The following CCND1 variants were observed in gnomAD, a reference collection of about 807,000 sequenced individuals.
CCND1 encodes the protein cyclin D1, also known as G1/S-specific cyclin-D1.
Under a neutral mutation model 26.1 loss-of-function variants are expected in CCND1, and 9 were observed. That is an observed-to-expected ratio of 0.35 (90% CI 0.21 to 0.60). The LOEUF (loss-of-function observed/expected upper bound fraction) is 0.60. Ranked by LOEUF, CCND1 falls within the 20% of genes least tolerant of loss-of-function variation. CCND1 has a pLI of 0.79. For missense variants in CCND1, 335 were observed against 392.9 expected (o/e 0.85, Z 1.25); for synonymous variants, 194 against 166.1 (o/e 1.17, Z -1.29).
chr11:69,641,172 A>G lies in CCND1; in HGVS notation c.-142A>G, dbSNP rs1855692452. 1 of 794,440 alleles carries G rather than the reference A, an allele frequency of 1.3e-6. No individual in the cohort carries two copies. The highest frequency in any genetic ancestry group is 2.5e-5 in the East Asian group (1 of 39,598). 49.2% of individuals were successfully genotyped at this position (794,440 alleles called of 1,614,324 possible). Reference sequence around the variant, plus strand: ...GGAGCCTCCAGAGGGCTGTCGGCGCAGTAGCAGCGAGCAGCAGAGTCCGCA... The same window carrying G: ...GGAGCCTCCAGAGGGCTGTCGGCGCGGTAGCAGCGAGCAGCAGAGTCCGCA... On this transcript the variant is annotated 5_prime_UTR_variant, in exon 1 of 5. Transcript: ENST00000227507.
chr11:69,650,235 G>A (rs927214589), intron 4 of CCND1, among the ~76,000 whole-genome samples: 7 of 152,204 alleles, frequency 4.6e-5, no homozygotes, highest in South Asian at 2.1e-4. Context: ...CTGGCAGTTG[G>A]GACACACACA....
intron 4 of CCND1, among the ~76,000 whole-genome samples, chr11:69,650,644 A>G (rs3212890): frequency 2.5e-3 from 381 of 152,304 alleles, no homozygotes; most frequent in African/African-American, 8.8e-3. Context: ...TGCACGGCCC[A>G]AGGCTTCGAC....
At position 69,651,658 on chromosome 11, in the gene CCND1, G is replaced by T. The variant is rs1022946937; in HGVS notation, c.*376G>T. ...GAATAGGCATTAACACAAAGGAGGCGTCTCGGGAGAGGATTAGGTTCCATC... is the reference window on the plus strand; with the variant it reads ...GAATAGGCATTAACACAAAGGAGGCTTCTCGGGAGAGGATTAGGTTCCATC... On this transcript the variant is annotated 3_prime_UTR_variant, in exon 5 of 5. Coordinates refer to ENST00000227507, the MANE Select transcript of CCND1 (RefSeq NM_053056.3). 14 of 247,666 alleles carry T rather than the reference G, an allele frequency of 5.7e-5. No individual in the cohort carries two copies. Among genetic ancestry groups the T allele is most frequent in the African/African-American group, 2.6e-4 (12 of 45,798 alleles). 15.3% of individuals were successfully genotyped at this position (247,666 alleles called of 1,614,324 possible).
Position 69,653,781 on chromosome 11 carries a change from A to T in CCND1, c.*2499A>T. Reference sequence around the variant, plus strand: ...TGGAAGTTGCATAATTATTATTATTATTATTATAACAAGTGTGTCTTACGT... The same window carrying T: ...TGGAAGTTGCATAATTATTATTATTTTTATTATAACAAGTGTGTCTTACGT... On this transcript the variant is annotated 3_prime_UTR_variant, in exon 5 of 5. Transcript: ENST00000227507. 1 of 281,258 alleles carries T rather than the reference A, an allele frequency of 3.6e-6. No individual in the cohort carries two copies. The highest frequency in any genetic ancestry group is 6.7e-6 in the Non-Finnish European group (1 of 148,498). The allele number at this position is 281,258 out of a possible 1,614,324, so 17.4% of individuals were successfully genotyped here.
rs1434771092 is a variant in CCND1 at position 69,643,964 on chromosome 11, C to A, written c.547C>A (p.Gln183Lys). ...CAAACAGATCATCCGCAAACACGCGCAGACCTTCGTTGCCCTCTGTGCCAC... is the reference window on the plus strand; with the variant it reads ...CAAACAGATCATCCGCAAACACGCGAAGACCTTCGTTGCCCTCTGTGCCAC... ...ENKQIIRKHA[Q>K]TFVALCATDV... The change falls in exon 3 of 5, where the codon CAG becomes AAG. Residue 183 changes from glutamine (Q) to lysine (K), a missense_variant. Gln to Lys is a moderately conservative substitution (Grantham distance 53). Transcript: ENST00000227507. The A allele has an allele frequency of 1.2e-6, 2 of 1,613,462 alleles. No individual in the cohort carries two copies. The highest frequency in any genetic ancestry group is 1.7e-6 in the Non-Finnish European group (2 of 1,180,012).
At chr11:69,647,444 A>G (rs994468014) in intron 3 of CCND1, among the ~76,000 whole-genome samples, 11 of 151,510 alleles carry the variant, frequency 7.3e-5, no homozygotes, top group African/African-American at 2.7e-4. Context: ...CTCAAGGGAC[A>G]CGGAATGGCT....
In CCND1 at chr11:69,641,386, G is replaced by C. The variant is rs2120080356; in HGVS notation, c.73G>C (p.Asp25His). 1 of 1,613,424 alleles carries C rather than the reference G, an allele frequency of 6.2e-7. No individual in the cohort carries two copies. Among genetic ancestry groups the C allele is most frequent in the South Asian group, 1.1e-5 (1 of 91,070 alleles). Residue 25 changes from aspartate to histidine, a missense_variant, in exon 1 of 5, where the codon GAC becomes CAC. Coordinates refer to ENST00000227507, the MANE Select transcript of CCND1 (RefSeq NM_053056.3). ...RAYPDANLLNDRVLRAMLKAE... is the reference protein window; with the variant it reads ...RAYPDANLLNHRVLRAMLKAE... Reference sequence around the variant, plus strand: ...GTACCCCGATGCCAACCTCCTCAACGACCGGGTGCTGCGGGCCATGCTGAA... The same window carrying C: ...GTACCCCGATGCCAACCTCCTCAACCACCGGGTGCTGCGGGCCATGCTGAA...
At position 69,652,659 on chromosome 11, in the gene CCND1, T is replaced by A. The variant is rs1427418927; in HGVS notation, c.*1377T>A. 8.6e-6 allele frequency: 2 copies of A among 232,980 alleles called. No individual in the cohort carries two copies. Among genetic ancestry groups the A allele is most frequent in the African/African-American group, 4.4e-5 (2 of 45,256 alleles). The allele number at this position is 232,980 out of a possible 1,614,324, so 14.4% of individuals were successfully genotyped here. A position where few individuals can be genotyped will look rare whatever the true frequency, so the allele number is the denominator to read the frequency against. On this transcript the variant is annotated 3_prime_UTR_variant, in exon 5 of 5. Transcript: ENST00000227507. ...ATCTTAGATGTTTCACACCGGAAGGTTTTTAAACACTAAAATATATAATTT... is the reference window on the plus strand; with the variant it reads ...ATCTTAGATGTTTCACACCGGAAGGATTTTAAACACTAAAATATATAATTT...
At chr11:69,643,403 G>A (rs938531833) in intron 2 of CCND1, 157 bp downstream of exon 2, 5 of 567,810 alleles carry the variant, frequency 8.8e-6, no homozygotes, top group Middle Eastern at 4.8e-4. Flanking sequence ...TCCGGGGAGC[G>A]GGCGGGATCC....
chr11:69,643,753 GGCCCCCGTGCTGCCGGCTTCCCCGC>G, intron 2 of CCND1, 54 bp from the exon 3 acceptor site: 2 of 1,427,412 alleles, frequency 1.4e-6, no homozygotes, highest in South Asian at 1.3e-5. Flanking sequence ...GGCGTGGCCC[GGCCCCCGTGCTGCCGGCTTCCCCGC>G]GCCCCCGGGC....
chr11:69,644,747 C>T (rs528409613), intron 3 of CCND1, among the ~76,000 whole-genome samples: 27 of 152,338 alleles, frequency 1.8e-4, no homozygotes, highest in African/African-American at 6.3e-4. Flanking sequence ...CCTGCTGTCC[C>T]CAGCCCTGCC....
chr11:69,648,362 A>T (rs183501442), intron 4 of CCND1: 13 of 560,690 alleles, frequency 2.3e-5, no homozygotes, highest in South Asian at 2.4e-5. Context: ...CAGCCTTCTC[A>T]CGTCCCCTGG....
rs374420164 is a variant in CCND1, at chr11:69,643,859, C to A, written c.442C>A (p.Leu148Ile). ...AATGGAGCTGCTCCTGGTGAACAAG[C>A]TCAAGTGGAACCTGGCCGCAATGAC... ...LQMELLLVNKLKWNLAAMTPH... is the reference protein window; with the variant it reads ...LQMELLLVNKIKWNLAAMTPH... The change falls in exon 3 of 5, where the codon CTC (leucine) becomes ATC (isoleucine). Residue 148 changes from leucine to isoleucine, a missense_variant. Leu to Ile is a conservative substitution (Grantham distance 5, BLOSUM62 2). Coordinates refer to ENST00000227507, the MANE Select transcript of CCND1 (RefSeq NM_053056.3). 6.2e-7 allele frequency: 1 copy of A among 1,612,156 alleles called. No homozygotes were observed. Among genetic ancestry groups the A allele is most frequent in the South Asian group, 1.1e-5 (1 of 90,990 alleles).
At position 69,654,380 on chromosome 11, in the gene CCND1, C is replaced by T. The variant is rs776449946; in HGVS notation, c.*3098C>T. 8.8e-5 allele frequency: 62 copies of T among 701,404 alleles called. No homozygotes were observed. The Middle Eastern group carries it at 1.8e-3, about 21-fold the overall frequency. 43.4% of individuals were successfully genotyped at this position (701,404 alleles called of 1,614,324 possible). On this transcript the variant is annotated 3_prime_UTR_variant, in exon 5 of 5. Coordinates refer to ENST00000227507, the MANE Select transcript of CCND1 (RefSeq NM_053056.3). The surrounding 1 kb of genome is among the most constrained non-coding windows in gnomAD (Gnocchi z 6.3). The stretch of plus-strand genomic sequence containing the variant: ...GGTCTGTGCATTTCTGGTTGCACCG[C>T]GGCGCTTCCCAGCACCAACATGTAA...
rs937341595 is a variant in CCND1 at position 69,651,493 on chromosome 11, AAG to A, written c.*223_*224del. 117 of 438,312 alleles carry A rather than the reference AAG, an allele frequency of 2.7e-4. No individual in the cohort carries two copies. The highest frequency in any genetic ancestry group is 5.2e-4 in the South Asian group (8 of 15,290). 27.2% of individuals were successfully genotyped at this position (438,312 alleles called of 1,614,324 possible). On this transcript the variant is annotated 3_prime_UTR_variant, in exon 5 of 5. Coordinates refer to ENST00000227507, the MANE Select transcript of CCND1 (RefSeq NM_053056.3). ...AAGATTACCCAAAAACTGTCTTTAA[AAG>A]AGAGAGAGAGAAAAAAAAAATAGTA... is the stretch of plus-strand genomic sequence containing the variant.
chr11:69,652,702 GTA>G lies in CCND1; in HGVS notation c.*1424_*1425del, dbSNP rs1855869133. On this transcript the variant is annotated 3_prime_UTR_variant, in exon 5 of 5. Coordinates refer to ENST00000227507, the MANE Select transcript of CCND1 (RefSeq NM_053056.3). ...TATAATTTATAGTTAAGGCTAAAAA[GTA>G]TATTTATTGCAGAGGATGTTCATAA... The G allele has an allele frequency of 4.3e-6, 1 of 232,850 alleles. No homozygotes were observed. The highest frequency in any genetic ancestry group is 2.2e-5 in the African/African-American group (1 of 45,218). The allele number at this position is 232,850 out of a possible 1,614,324, so 14.4% of individuals were successfully genotyped here. A position where few individuals can be genotyped will look rare whatever the true frequency, so the allele number is the denominator to read the frequency against.
intron 3 of CCND1, among the ~76,000 whole-genome samples, chr11:69,646,713 A>C (rs919367889): frequency 6.6e-6 from 1 of 152,188 alleles, no homozygotes; most frequent in Admixed American, 6.5e-5. Context: ...CAAGAGGCAC[A>C]TCCCACACTG....
In CCND1 at chr11:69,651,176, A is replaced by G. The variant is rs749069429; in HGVS notation, c.782A>G (p.Gln261Arg). ...IEALLESSLRQAQQNMDPKAA... is the reference protein window; with the variant it reads ...IEALLESSLRRAQQNMDPKAA... ...GCCCTGCTGGAGTCAAGCCTGCGCC[A>G]GGCCCAGCAGAACATGGACCCCAAG... Residue 261 changes from glutamine (Q) to arginine (R), a missense_variant, in exon 5 of 5, where the codon CAG becomes CGG. Coordinates refer to ENST00000227507, the MANE Select transcript of CCND1 (RefSeq NM_053056.3). 2 of 1,611,778 alleles carry G rather than the reference A, an allele frequency of 1.2e-6. No individual in the cohort carries two copies. The highest frequency in any genetic ancestry group is 1.7e-6 in the Non-Finnish European group (2 of 1,178,882).
Position 69,651,525 on chromosome 11 carries a change from C to CATA in CCND1, c.*245_*247dup. 2.5e-6 allele frequency: 1 copy of CATA among 406,796 alleles called. No homozygotes were observed. Among genetic ancestry groups the CATA allele is most frequent in the Non-Finnish European group, 4.3e-6 (1 of 230,396 alleles). The allele number at this position is 406,796 out of a possible 1,614,324, so 25.2% of individuals were successfully genotyped here. ...AGAGAGAAAAAAAAAATAGTATTTG[C>CATA]ATAACCCTGAGCGGTGGGGGAGGAG... On this transcript the variant is annotated 3_prime_UTR_variant, in exon 5 of 5. Coordinates refer to ENST00000227507, the MANE Select transcript of CCND1 (RefSeq NM_053056.3).
Sources: allele counts gnomAD v4.1 joint callset (sites outside exome capture counted in the v4.1 genomes callset), GRCh38; gene constraint gnomAD v4.1.1; non-coding constraint Gnocchi (gnomAD v3.1); transcripts MANE v1.5; gene names NCBI Gene and HGNC (gene_info 2026-07-23, HGNC 2026-07-21).